KIAA1328: variants seen among roughly 807,000 people sequenced by gnomAD.
The protein encoded by KIAA1328 is protein hinderin.
Under a neutral mutation model 68.1 loss-of-function variants are expected in KIAA1328, and 52 were observed. The observed-to-expected ratio is 0.76, with a 90% CI of 0.61 to 0.96. KIAA1328 has a LOEUF of 0.96. KIAA1328 is among the 40% of genes least tolerant of loss of function. KIAA1328 has a pLI of 0.00. For synonymous variants in KIAA1328, 232 were observed against 239.4 expected (o/e 0.97, Z 0.28); for missense variants, 641 against 677.6 (o/e 0.95, Z 0.60).
At chr18:36,982,697 A>G (rs1598888509) in intron 6 of KIAA1328, among the ~76,000 whole-genome samples, 1 of 152,054 alleles carries the variant, frequency 6.6e-6, no homozygotes, top group Non-Finnish European at 1.5e-5. Flanking sequence ...AACTAATGGC[A>G]TGCACCAAAA....
chr18:36,969,264 G>T (rs1032347534), intron 6 of KIAA1328, among the ~76,000 whole-genome samples: 1 of 151,884 alleles, frequency 6.6e-6, no homozygotes, highest in African/African-American at 2.4e-5. Flanking sequence ...AAAGGAAGAG[G>T]TGACAGGAAA....
rs186418656 is a variant in KIAA1328 at position 37,027,013 on chromosome 18, A to G, written c.577-39877A>G. ...CAAAATCTCCTTAAGCTGATAAGCA[A>G]CTTTAGCAAAGTCTCTGGATACAAA... On this transcript the variant is annotated intron_variant, in intron 6 of 9. Transcript: ENST00000280020. Among the ~76,000 whole-genome samples the G allele has an allele frequency of 2.8e-3, 426 of 152,342 alleles. 4 individuals are homozygous for G. Among genetic ancestry groups the G allele is most frequent in the Admixed American group, 4.7e-3 (72 of 15,294 alleles).
chr18:36,878,758 T>C (rs1050705746), intron 4 of KIAA1328, among the ~76,000 whole-genome samples: 1 of 152,224 alleles, frequency 6.6e-6, no homozygotes, highest in African/African-American at 2.4e-5. Context: ...CTTTATTTCA[T>C]TAAGTTGATC....
intron 5 of KIAA1328, among the ~76,000 whole-genome samples, chr18:36,940,764 C>G (rs1261524745): frequency 6.6e-6 from 1 of 151,332 alleles, no homozygotes; most frequent in Non-Finnish European, 1.5e-5. Context: ...CAACCTCTGC[C>G]TCCCGGGTTC....
At position 36,968,411 on chromosome 18, in the gene KIAA1328, G is replaced by T. The variant is rs570499002; in HGVS notation, c.576+8976G>T. Among the ~76,000 whole-genome samples, 5 of 152,182 alleles carry T rather than the reference G, an allele frequency of 3.3e-5. No individual in the cohort carries two copies. In the South Asian group the frequency reaches 1.0e-3, roughly 32 times the overall value. ...GTGACACCCGTAGGCTAAAAATAAA[G>T]GGATGGAGAAAAATCTACCAAGCAA... On this transcript the variant is annotated intron_variant, in intron 6 of 9. Coordinates refer to ENST00000280020, the MANE Select transcript of KIAA1328 (RefSeq NM_020776.3).
intron 6 of KIAA1328, 95 bp downstream of exon 6, chr18:36,959,530 T>A: frequency 1.5e-6 from 2 of 1,330,888 alleles, no homozygotes; most frequent in Non-Finnish European, 2.1e-6. Flanking sequence ...TCCCAGTATA[T>A]AATATTGTTT....
At chr18:36,925,579 C>T (rs1247629489) in intron 5 of KIAA1328, among the ~76,000 whole-genome samples, 3 of 151,926 alleles carry the variant, frequency 2.0e-5, no homozygotes, top group African/African-American at 7.3e-5. Context: ...CTCTGTTGCC[C>T]AGCCTGGAGT....
intron 5 of KIAA1328, among the ~76,000 whole-genome samples, chr18:36,914,295 G>A (rs2049594347): frequency 6.6e-6 from 1 of 152,212 alleles, no homozygotes; most frequent in Non-Finnish European, 1.5e-5. Flanking sequence ...TAAGACAGCA[G>A]AAAATCTTGG....
chr18:37,188,689 A>G (rs1022846693), intron 9 of KIAA1328, among the ~76,000 whole-genome samples: 1 of 152,204 alleles, frequency 6.6e-6, no homozygotes, highest in Non-Finnish European at 1.5e-5. Context: ...AGTCCTCACC[A>G]CAGGTTTCCC....
chr18:36,865,043 A>AT (rs917580573), intron 4 of KIAA1328, among the ~76,000 whole-genome samples: 13 of 139,462 alleles, frequency 9.3e-5, no homozygotes, highest in South Asian at 2.2e-4. Flanking sequence ...TATTTCATTG[A>AT]TTTTTTTTCA....
At chr18:37,030,970 A>T (rs890101266) in intron 6 of KIAA1328, among the ~76,000 whole-genome samples, 1 of 151,996 alleles carries the variant, frequency 6.6e-6, no homozygotes, top group South Asian at 2.1e-4. Context: ...GCTCAGAATG[A>T]TGGTTTCCAG....
chr18:37,040,117 C>G (rs978045963), intron 6 of KIAA1328, among the ~76,000 whole-genome samples: 1 of 152,164 alleles, frequency 6.6e-6, no homozygotes, highest in Non-Finnish European at 1.5e-5. Context: ...TGCCACCACT[C>G]TTAGAAAACT....
intron 7 of KIAA1328, among the ~76,000 whole-genome samples, chr18:37,127,682 C>T (rs981176635): frequency 1.9e-4 from 29 of 152,136 alleles, no homozygotes; most frequent in Non-Finnish European, 4.4e-5. Context: ...GGATTCAATG[C>T]AATCCAAATC....
At chr18:36,845,048 A>G (rs1302119902) in intron 4 of KIAA1328, among the ~76,000 whole-genome samples, 1 of 151,786 alleles carries the variant, frequency 6.6e-6, no homozygotes, top group African/African-American at 2.4e-5. Context: ...TGAAGCCTTA[A>G]AGTAAAGTTT....
intron 9 of KIAA1328, among the ~76,000 whole-genome samples, chr18:37,201,397 A>G (rs1473953053): frequency 6.6e-6 from 1 of 152,182 alleles, no homozygotes; most frequent in African/African-American, 2.4e-5. Flanking sequence ...TTCAGGATTC[A>G]GTCTAAATTG....
chr18:36,856,431 G>A (rs1456995765), intron 4 of KIAA1328, among the ~76,000 whole-genome samples: 1 of 151,910 alleles, frequency 6.6e-6, no homozygotes, highest in African/African-American at 2.4e-5. Context: ...ATTGTTTCTT[G>A]TGCCTTCTCA....
chr18:37,047,961 T>C (rs371073096), intron 6 of KIAA1328, among the ~76,000 whole-genome samples: 9 of 152,312 alleles, frequency 5.9e-5, no homozygotes, highest in African/African-American at 2.2e-4. Flanking sequence ...ATTCATAATA[T>C]TTTGGTTATG....
intron 5 of KIAA1328, chr18:36,903,601 A>C (rs972516805): frequency 1.3e-5 from 2 of 152,194 alleles, no homozygotes; most frequent in African/African-American, 4.8e-5. Flanking sequence ...ATTGTGTGCA[A>C]ATCACTGACC....
chr18:36,993,668 C>G (rs1043165326), intron 6 of KIAA1328, among the ~76,000 whole-genome samples: 5 of 152,008 alleles, frequency 3.3e-5, no homozygotes, highest in Non-Finnish European at 7.4e-5. Flanking sequence ...ACTATAAAAA[C>G]TTTAAAGGAT....
Sources: allele counts gnomAD v4.1 joint callset (sites outside exome capture counted in the v4.1 genomes callset), GRCh38; gene constraint gnomAD v4.1.1; transcripts MANE v1.5; gene names NCBI Gene and HGNC (gene_info 2026-07-23, HGNC 2026-07-21).